Variants in HRH1 observed in about 807,000 individuals in gnomAD.
HRH1 encodes the protein histamine receptor H1, also known as histamine H1 receptor.
Under a neutral mutation model 10.3 loss-of-function variants are expected in HRH1, and 6 were observed. The ratio of observed to expected loss-of-function variants is 0.58; its 90% CI spans 0.32 to 1.15. HRH1 has a LOEUF of 1.15. Ranked by LOEUF, HRH1 falls within the 50% of genes most tolerant of loss-of-function variation. HRH1 has a pLI of 0.05. For synonymous variants in HRH1, 242 were observed against 236.7 expected (o/e 1.02, Z -0.21); for missense variants, 514 against 615.3 (o/e 0.84, Z 1.74).
At position 11,224,185 on chromosome 3, in the gene HRH1, T is replaced by C. The variant is rs548033443; in HGVS notation, c.-35-34818T>C. On this transcript the variant is annotated intron_variant, in intron 1 of 1. Coordinates refer to ENST00000431010, the MANE Select transcript of HRH1 (RefSeq NM_001098212.2). ...CCATGTGCCAAGCAGTTCTAGCATG[T>C]GAGGCTGAATAAGACGTGGCCTCTG... Among the ~76,000 whole-genome samples, 6 of 152,312 alleles carry C rather than the reference T, an allele frequency of 3.9e-5. No homozygotes were observed. The East Asian group carries it at 1.2e-3, about 29-fold the overall frequency.
In HRH1 at chr3:11,195,004, T is replaced by C. The variant is rs141569338; in HGVS notation, c.-36+40450T>C. The stretch of plus-strand genomic sequence containing the variant: ...ATCACTGTGCTTACCAATGTTTCTA[T>C]GCATACCACACTTTGGGGTGCTCTA... On this transcript the variant is annotated intron_variant, in intron 1 of 1. Coordinates refer to ENST00000431010, the MANE Select transcript of HRH1 (RefSeq NM_001098212.2). Among the ~76,000 whole-genome samples the C allele has an allele frequency of 2.2e-3, 333 of 152,322 alleles. 5 individuals carry two copies. The East Asian group carries it at 0.028, about 13-fold the overall frequency.
At chr3:11,215,143 G>GAACCCTCC in intron 1 of HRH1, among the ~76,000 whole-genome samples, 1 of 152,356 alleles carries the variant, frequency 6.6e-6, no homozygotes, top group East Asian at 1.9e-4. Context: ...TCCCCTCCAA[G>GAACCCTCC]AGGTGGTGTC....
At chr3:11,166,922 G>A (rs1358175349) in intron 1 of HRH1, among the ~76,000 whole-genome samples, 8 of 18,634 alleles carry the variant, frequency 4.3e-4, no homozygotes, top group African/African-American at 1.4e-3. Flanking sequence ...CTCCAGGCCC[G>A]CAACATCTCC....
intron 1 of HRH1, among the ~76,000 whole-genome samples, chr3:11,212,757 G>A (rs1938369044): frequency 6.6e-6 from 1 of 152,166 alleles, no homozygotes; most frequent in South Asian, 2.1e-4. Context: ...CATGGGTTCT[G>A]GGAGTTGTCC....
At chr3:11,234,145 A>T (rs1330745327) in intron 1 of HRH1, 2 of 674,436 alleles carry the variant, frequency 3.0e-6, no homozygotes, top group African/African-American at 3.6e-5. Context: ...TGTATATTAC[A>T]GTGCACAGGA....
chr3:11,159,216 C>A (rs1002630707), intron 1 of HRH1, among the ~76,000 whole-genome samples: 5 of 152,142 alleles, frequency 3.3e-5, no homozygotes, highest in Admixed American at 1.3e-4. Flanking sequence ...CCACTGCACT[C>A]CAGCCTGGGT....
intron 1 of HRH1, among the ~76,000 whole-genome samples, chr3:11,238,180 G>C (rs575573878): frequency 6.6e-6 from 1 of 152,162 alleles, no homozygotes. Flanking sequence ...AATCAAACAA[G>C]TTCAATCTCT....
At chr3:11,206,676 A>C (rs2125031177) in intron 1 of HRH1, among the ~76,000 whole-genome samples, 1 of 152,380 alleles carries the variant, frequency 6.6e-6, no homozygotes, top group Middle Eastern at 3.4e-3. Flanking sequence ...GTGACTTGCC[A>C]GGGTCATACA....
At chr3:11,146,797 C>A (rs1178980404) in intron 1 of HRH1, among the ~76,000 whole-genome samples, 2 of 152,206 alleles carry the variant, frequency 1.3e-5, no homozygotes, top group Non-Finnish European at 2.9e-5. Context: ...TACCAGAATT[C>A]TCTGTGTCCT....
chr3:11,165,871 C>T lies in HRH1; in HGVS notation c.-36+11317C>T, dbSNP rs187188889. On this transcript the variant is annotated intron_variant, in intron 1 of 1. Coordinates refer to ENST00000431010, the MANE Select transcript of HRH1 (RefSeq NM_001098212.2). ...TTATTAGTTTGTAATATTGCCCTCC[C>T]GAGTTTTCTTGGCATCACCTAACAC... Among the ~76,000 whole-genome samples, 41 of 152,298 alleles carry T rather than the reference C, an allele frequency of 2.7e-4. No homozygotes were observed. The East Asian group carries it at 7.5e-3, about 28-fold the overall frequency.
intron 1 of HRH1, among the ~76,000 whole-genome samples, chr3:11,173,565 C>G (rs1281618258): frequency 1.3e-5 from 2 of 151,408 alleles, no homozygotes; most frequent in African/African-American, 2.4e-5. Flanking sequence ...CCACACCCAG[C>G]TAATAATTAT....
intron 1 of HRH1, among the ~76,000 whole-genome samples, chr3:11,188,979 T>C (rs1011192523): frequency 6.6e-6 from 1 of 152,236 alleles, no homozygotes; most frequent in Non-Finnish European, 1.5e-5. Flanking sequence ...CCTTCATGCA[T>C]AAGTTTGCCA....
At chr3:11,178,790 G>A (rs1437369949) in intron 1 of HRH1, among the ~76,000 whole-genome samples, 9 of 151,942 alleles carry the variant, frequency 5.9e-5, no homozygotes, top group African/African-American at 7.3e-5. Flanking sequence ...TCCTTCATAC[G>A]TCCCTTGTCT....
chr3:11,169,915 C>G (rs1161508851), intron 1 of HRH1, among the ~76,000 whole-genome samples: 1 of 152,148 alleles, frequency 6.6e-6, no homozygotes, highest in Non-Finnish European at 1.5e-5. Flanking sequence ...GTCCCATGCC[C>G]CTTCTCCATG....
At chr3:11,258,949 G>A in intron 1 of HRH1, 54 bp from the exon 2 acceptor site, 1 of 1,271,328 alleles carries the variant, frequency 7.9e-7, no homozygotes. Context: ...ATGCTACTAA[G>A]TGGCCACTCA....
At chr3:11,168,021 A>G (rs933999270) in intron 1 of HRH1, among the ~76,000 whole-genome samples, 2 of 152,156 alleles carry the variant, frequency 1.3e-5, no homozygotes, top group East Asian at 1.9e-4. Context: ...GGTGAAATGC[A>G]GTGGTGAAGA....
At chr3:11,215,093 A>G (rs958856512) in intron 1 of HRH1, among the ~76,000 whole-genome samples, 2 of 152,238 alleles carry the variant, frequency 1.3e-5, no homozygotes. Flanking sequence ...AATAAAGGTG[A>G]AAAGAATTGG....
rs187418696 is a variant in HRH1, at chr3:11,248,185, T to C, written c.-35-10818T>C. 1.5e-4 allele frequency among the ~76,000 whole-genome samples: 23 copies of C among 152,344 alleles called. 1 individual carries two copies. The highest frequency in any genetic ancestry group is 5.3e-4 in the African/African-American group (22 of 41,580). On this transcript the variant is annotated intron_variant, in intron 1 of 1. Coordinates refer to ENST00000431010, the MANE Select transcript of HRH1 (RefSeq NM_001098212.2). Reference sequence around the variant, plus strand: ...ATATCACGTCAAGGGCTATTCTGTTTTTCCCAGGCTATTTGGCTGGTAAGG... The same window carrying C: ...ATATCACGTCAAGGGCTATTCTGTTCTTCCCAGGCTATTTGGCTGGTAAGG...
chr3:11,198,651 C>T (rs766318163), intron 1 of HRH1, among the ~76,000 whole-genome samples: 3 of 150,874 alleles, frequency 2.0e-5, no homozygotes, highest in South Asian at 2.1e-4. Context: ...GCAGGAGGAT[C>T]GCTTGAGCCC....
Sources: gnomAD v4.1 joint callset for allele counts (sites outside exome capture counted in the v4.1 genomes callset) on GRCh38, gnomAD v4.1.1 for gene constraint, MANE v1.5 for transcripts, NCBI Gene and HGNC (gene_info 2026-07-23, HGNC 2026-07-21) for gene names.